Variants in CACNA1E observed in about 807,000 individuals in gnomAD.
The protein encoded by CACNA1E is calcium voltage-gated channel subunit alpha1 E, also known as voltage-dependent R-type calcium channel subunit alpha-1E.
Under a neutral mutation model 259.2 loss-of-function variants are expected in CACNA1E, and 40 were observed. The observed-to-expected ratio is 0.15, with a 90% confidence interval of 0.12 to 0.20. The LOEUF (loss-of-function observed/expected upper bound fraction) is 0.20. Ranked by LOEUF, CACNA1E falls within the 10% of genes least tolerant of loss-of-function variation. The pLI, the probability that CACNA1E is intolerant of heterozygous loss-of-function variation, is 1.00. For synonymous variants in CACNA1E, 1,104 were observed against 1,138.5 expected, an observed-to-expected ratio of 0.97 and a Z score of 0.61; for missense variants, 1,874 against 3,040.1, an observed-to-expected ratio of 0.62 and a Z score of 9.02.
intron 7 of CACNA1E, 29 bp from the exon 8 acceptor site, chr1:181,710,925 C>G: frequency 6.7e-7 from 1 of 1,498,318 alleles, no homozygotes; most frequent in Non-Finnish European, 9.3e-7. Flanking sequence ...CTGTCCAAAC[C>G]CAGTGAATCT....
Position 181,798,332 on chromosome 1 carries a change from C to G in CACNA1E, c.6440C>G (p.Ser2147Cys), listed in dbSNP as rs777197271. The change falls in exon 48 of 48, where the codon TCT becomes TGT. Residue 2147 changes from serine to cysteine, a missense_variant. Physicochemically the swap from Ser to Cys is moderately radical, Grantham distance 112. Transcript: ENST00000367573. This position sits in a 1 kb window ranked among gnomAD's most constrained non-coding sequence, Gnocchi z 4.2. ...AGTGAGAGCTCCATCCCCTCTGTCTCTGACACCAGCACCCCAAGAAGAAGT... is the reference window on the plus strand; with the variant it reads ...AGTGAGAGCTCCATCCCCTCTGTCTGTGACACCAGCACCCCAAGAAGAAGT... Reference protein sequence around the residue: ...SLSESSIPSVSDTSTPRRSRR... With the variant: ...SLSESSIPSVCDTSTPRRSRR... The G allele has an allele frequency of 1.3e-5, 21 of 1,607,106 alleles. No homozygotes were observed. The highest frequency in any genetic ancestry group is 1.8e-5 in the Non-Finnish European group (21 of 1,178,018).
chr1:181,798,360 T>C lies in CACNA1E; in HGVS notation c.6468T>C (p.Arg2156=), dbSNP rs780446805. The stretch of plus-strand genomic sequence containing the variant: ...ACACCAGCACCCCAAGAAGAAGTCG[T>C]CGGCAGCTCCCACCCGTCCCGCCAA... ...VSDTSTPRRS[R]RQLPPVPPKP... is the part of the protein sequence containing the mutation. The change falls in exon 48 of 48, where the codon CGT becomes CGC. Residue 2156 remains arginine, a synonymous_variant. Transcript: ENST00000367573. This position sits in a 1 kb window ranked among gnomAD's most constrained non-coding sequence, Gnocchi z 4.2. 2 of 1,611,490 alleles carry C rather than the reference T, an allele frequency of 1.2e-6. No homozygotes were observed.
At chr1:181,350,542 A>G (rs1310452283) in intron 1 of CACNA1E, among the ~76,000 whole-genome samples, 1 of 152,154 alleles carries the variant, frequency 6.6e-6, no homozygotes, top group Non-Finnish European at 1.5e-5. Context: ...GGACTCGCAG[A>G]GCTCAGCTTG....
At chr1:181,419,659 G>A (rs1557988955) in intron 2 of CACNA1E, among the ~76,000 whole-genome samples, 1 of 152,250 alleles carries the variant, frequency 6.6e-6, no homozygotes, top group African/African-American at 2.4e-5. Flanking sequence ...AGTGCCTAGT[G>A]TGCAGTTGAC....
intron 29 of CACNA1E, among the ~76,000 whole-genome samples, chr1:181,756,608 T>C (rs1396848502): frequency 6.6e-6 from 1 of 152,220 alleles, no homozygotes; most frequent in African/African-American, 2.4e-5. Flanking sequence ...CACCACTCTC[T>C]AGTGGCAACA....
rs1648074346 is a variant in CACNA1E, at chr1:181,665,004, T to C, written c.1055+13563T>C. 2.6e-5 allele frequency among the ~76,000 whole-genome samples: 4 copies of C among 152,310 alleles called. No individual in the cohort carries two copies. The South Asian group carries it at 8.3e-4, about 32-fold the overall frequency. ...TGAAGACAATAACCAAATATAAAAA[T>C]GCCTCCATTCTCTGTTCAAGTTTTC... On this transcript the variant is annotated intron_variant, in intron 7 of 47. Transcript: ENST00000367573.
At chr1:181,678,541 G>A (rs1458301609) in intron 7 of CACNA1E, among the ~76,000 whole-genome samples, 1 of 152,126 alleles carries the variant, frequency 6.6e-6, no homozygotes, top group Non-Finnish European at 1.5e-5. Flanking sequence ...ATCTAACAAG[G>A]ACATACTGAA....
At chr1:181,755,210 C>T in intron 27 of CACNA1E, 27 bp from the exon 28 acceptor site, 2 of 1,604,672 alleles carry the variant, frequency 1.2e-6, no homozygotes, top group Non-Finnish European at 1.7e-6. Context: ...AGGGTTCACA[C>T]AGCAGGGCTG....
chr1:181,366,277 C>T (rs1018853177), intron 1 of CACNA1E, among the ~76,000 whole-genome samples: 3 of 152,190 alleles, frequency 2.0e-5, no homozygotes, highest in Non-Finnish European at 4.4e-5. Flanking sequence ...ATTCTTGCTA[C>T]AGGGGTCTGT....
intron 1 of CACNA1E, among the ~76,000 whole-genome samples, chr1:181,390,182 C>T (rs1488526703): frequency 6.6e-6 from 1 of 152,186 alleles, no homozygotes; most frequent in Admixed American, 6.5e-5. Context: ...GGGGCTTAAG[C>T]CACCTTCCCA....
At chr1:181,619,288 C>G (rs1201984207) in intron 6 of CACNA1E, among the ~76,000 whole-genome samples, 2 of 151,526 alleles carry the variant, frequency 1.3e-5, no homozygotes, top group East Asian at 3.9e-4. Flanking sequence ...CTGAAGAAAG[C>G]TAGGGATTAA....
intron 1 of CACNA1E, among the ~76,000 whole-genome samples, chr1:181,331,930 A>G (rs1227726523): frequency 3.3e-5 from 5 of 152,138 alleles, no homozygotes; most frequent in African/African-American, 1.2e-4. Flanking sequence ...ATTCTGTTCC[A>G]TTGGTCTATG....
intron 7 of CACNA1E, among the ~76,000 whole-genome samples, chr1:181,691,171 T>G (rs1572613686): frequency 6.6e-6 from 1 of 152,126 alleles, no homozygotes; most frequent in African/African-American, 2.4e-5. Flanking sequence ...CTCATCTCTT[T>G]ATTTCTATGC....
intron 35 of CACNA1E, 44 bp downstream of exon 35, chr1:181,766,655 C>T (rs1298552961): frequency 1.4e-6 from 2 of 1,440,654 alleles, no homozygotes; most frequent in Non-Finnish European, 1.9e-6. Flanking sequence ...AGCTGTTACC[C>T]AGATAATCTC....
chr1:181,379,190 A>T (rs1376030037), intron 1 of CACNA1E, among the ~76,000 whole-genome samples: 1 of 152,196 alleles, frequency 6.6e-6, no homozygotes, highest in African/African-American at 2.4e-5. Context: ...AAAAGTGTTT[A>T]AAAAAAGAAC....
chr1:181,513,364 T>C (rs1666305233), intron 3 of CACNA1E, among the ~76,000 whole-genome samples: 1 of 152,262 alleles, frequency 6.6e-6, no homozygotes, highest in South Asian at 2.1e-4. Context: ...TGTTATTGCA[T>C]ATTTTGGTAA....
intron 3 of CACNA1E, among the ~76,000 whole-genome samples, chr1:181,562,141 A>G (rs1441049027): frequency 1.3e-5 from 2 of 152,008 alleles, no homozygotes; most frequent in Admixed American, 1.3e-4. Flanking sequence ...GCTATTATAG[A>G]TAATGCTTCA....
chr1:181,801,770 A>G lies in CACNA1E; in HGVS notation c.*2936A>G, dbSNP rs1259152940. ...AAGAAGACTACAACCAGTGTTTCAG[A>G]TATACCACAAGATCAAATTTGGGCA... On this transcript the variant is annotated 3_prime_UTR_variant, in exon 48 of 48. Coordinates refer to ENST00000367573, the MANE Select transcript of CACNA1E (RefSeq NM_001205293.3). 2.0e-5 allele frequency: 3 copies of G among 152,190 alleles called. No individual in the cohort carries two copies. In the East Asian group the frequency reaches 5.8e-4, roughly 29 times the overall value. The allele number at this position is 152,190 out of a possible 1,614,324, so 9.4% of individuals were successfully genotyped here.
chr1:181,689,939 G>A (rs1345473086), intron 7 of CACNA1E, among the ~76,000 whole-genome samples: 1 of 152,170 alleles, frequency 6.6e-6, no homozygotes, highest in African/African-American at 2.4e-5. Flanking sequence ...TGTTCACTCT[G>A]ATGATAGTTT....
Sources: allele counts gnomAD v4.1 joint callset (sites outside exome capture counted in the v4.1 genomes callset), GRCh38; gene constraint gnomAD v4.1.1; non-coding constraint Gnocchi (gnomAD v3.1); transcripts MANE v1.5; gene names NCBI Gene and HGNC (gene_info 2026-07-23, HGNC 2026-07-21).